MFHAS1: variants seen among roughly 807,000 people sequenced by gnomAD.
MFHAS1 encodes the protein multifunctional ROCO family signaling regulator 1, also known as malignant fibrous histiocytoma-amplified sequence 1.
MFHAS1 carries 50 observed loss-of-function variants against 70.4 expected under a neutral mutation model. That is an observed-to-expected ratio of 0.71 (90% CI 0.57 to 0.90). MFHAS1 has a LOEUF of 0.90. Ranked by LOEUF, MFHAS1 falls within the 40% of genes least tolerant of loss-of-function variation. The pLI is 0.00. For synonymous variants in MFHAS1, 952 were observed against 620.0 expected, an observed-to-expected ratio of 1.54 and a Z score of -7.96; for missense variants, 1,795 against 1,347.6, an observed-to-expected ratio of 1.33 and a Z score of -5.20.
At chr8:8,796,870 C>A (rs1477878751) in intron 2 of MFHAS1, among the ~76,000 whole-genome samples, 1 of 150,684 alleles carries the variant, frequency 6.6e-6, no homozygotes, top group Non-Finnish European at 1.5e-5. Flanking sequence ...GTGGTGGGCG[C>A]CTGTAGTCCC....
At chr8:8,797,074 T>A (rs1472345871) in intron 2 of MFHAS1, among the ~76,000 whole-genome samples, 1 of 151,478 alleles carries the variant, frequency 6.6e-6, no homozygotes, top group African/African-American at 2.4e-5. Context: ...ACTGTACACT[T>A]AGGTAAGTGA....
At chr8:8,889,084 T>A (rs1809885770) in intron 1 of MFHAS1, among the ~76,000 whole-genome samples, 2 of 149,788 alleles carry the variant, frequency 1.3e-5, no homozygotes, top group Admixed American at 6.6e-5. Flanking sequence ...TTCTTCCACT[T>A]GCTTATGATG....
At chr8:8,789,055 G>C (rs546932795) in intron 2 of MFHAS1, among the ~76,000 whole-genome samples, 20 of 152,224 alleles carry the variant, frequency 1.3e-4, no homozygotes, top group African/African-American at 4.8e-4. Flanking sequence ...TTGTCGGTTT[G>C]AAGGACAAAA....
At position 8,786,636 on chromosome 8, in the gene MFHAS1, A is replaced by C. The variant is rs1161839634; in HGVS notation, c.3126-581T>G. On this transcript the variant is annotated intron_variant, in intron 2 of 2. Coordinates refer to ENST00000276282, the MANE Select transcript of MFHAS1 (RefSeq NM_004225.3). ...GTTCCGATAAAATGGTTAGAGGAAA[A>C]AATATCAAGTGTTTTTCTCATTTTT... Among the ~76,000 whole-genome samples, 9 of 152,336 alleles carry C rather than the reference A, an allele frequency of 5.9e-5. 1 individual carries two copies. In the Middle Eastern group the frequency reaches 0.014, roughly 230 times the overall value.
In MFHAS1 at chr8:8,829,757, C is replaced by A. The variant is rs114115990; in HGVS notation, c.2999-32266G>T. Among the ~76,000 whole-genome samples, 819 of 152,296 alleles carry A rather than the reference C, an allele frequency of 5.4e-3. 9 individuals are homozygous for A. The highest frequency in any genetic ancestry group is 0.019 in the African/African-American group (799 of 41,588). Reference sequence around the variant, plus strand: ...GTATCCTCAGTGCCTGACACAATGGCAGGACCAATGGATGACAGCAAGTTA... The same window carrying A: ...GTATCCTCAGTGCCTGACACAATGGAAGGACCAATGGATGACAGCAAGTTA... On this transcript the variant is annotated intron_variant, in intron 1 of 2. Transcript: ENST00000276282.
At chr8:8,810,004 C>G (rs1806487876) in intron 1 of MFHAS1, among the ~76,000 whole-genome samples, 1 of 152,166 alleles carries the variant, frequency 6.6e-6, no homozygotes, top group Non-Finnish European at 1.5e-5. Flanking sequence ...AAAACTAGCG[C>G]CCAAGGACCT....
intron 2 of MFHAS1, among the ~76,000 whole-genome samples, chr8:8,793,886 G>A (rs1170846594): frequency 2.0e-5 from 3 of 152,140 alleles, no homozygotes; most frequent in South Asian, 4.2e-4. Context: ...TAACAGGTCT[G>A]ATTAAGAAAG....
chr8:8,828,703 C>T (rs570945781), intron 1 of MFHAS1, among the ~76,000 whole-genome samples: 1 of 152,180 alleles, frequency 6.6e-6, no homozygotes, highest in East Asian at 1.9e-4. Flanking sequence ...CAGTGACACT[C>T]TGTAATGCGG....
chr8:8,798,104 G>T (rs1240255745), intron 1 of MFHAS1, among the ~76,000 whole-genome samples: 2 of 152,150 alleles, frequency 1.3e-5, no homozygotes, highest in Admixed American at 1.3e-4. Flanking sequence ...TAACCTAATG[G>T]ATCACCACAA....
At chr8:8,865,769 C>T (rs1406085529) in intron 1 of MFHAS1, among the ~76,000 whole-genome samples, 3 of 152,190 alleles carry the variant, frequency 2.0e-5, no homozygotes, top group Admixed American at 2.0e-4. Context: ...ATTTTTGGGT[C>T]CCAAATTTAA....
intron 2 of MFHAS1, among the ~76,000 whole-genome samples, chr8:8,792,427 T>G (rs1805750829): frequency 1.3e-5 from 2 of 152,044 alleles, no homozygotes; most frequent in South Asian, 4.1e-4. Flanking sequence ...ATGGTGAAAC[T>G]CCTTCTCTAC....
intron 1 of MFHAS1, among the ~76,000 whole-genome samples, chr8:8,859,646 AT>A (rs1234443588): frequency 6.6e-6 from 1 of 152,196 alleles, no homozygotes; most frequent in African/African-American, 2.4e-5. Flanking sequence ...AACAGTAAAT[AT>A]ATTTCCTCTT....
At chr8:8,806,338 C>T (rs1225226943) in intron 1 of MFHAS1, among the ~76,000 whole-genome samples, 1 of 152,144 alleles carries the variant, frequency 6.6e-6, no homozygotes, top group Non-Finnish European at 1.5e-5. Flanking sequence ...CTCTACCAGA[C>T]ACAAAATAAA....
Position 8,821,006 on chromosome 8 carries a change from T to G in MFHAS1, c.2999-23515A>C, listed in dbSNP as rs936434473. Among the ~76,000 whole-genome samples the G allele has an allele frequency of 3.3e-5, 5 of 152,292 alleles. No individual in the cohort carries two copies. In the South Asian group the frequency reaches 1.0e-3, roughly 32 times the overall value. On this transcript the variant is annotated intron_variant, in intron 1 of 2. Coordinates refer to ENST00000276282, the MANE Select transcript of MFHAS1 (RefSeq NM_004225.3). ...ACTGTCCTTCCTACCCCTCTTCCTT[T>G]AAAAGCCAACAGAGATGACAGCCTA...
chr8:8,850,811 CAAAAAAAAAAAAA>C (rs149181304), intron 1 of MFHAS1, among the ~76,000 whole-genome samples: 1 of 105,514 alleles, frequency 9.5e-6, no homozygotes, highest in Non-Finnish European at 1.9e-5. Flanking sequence ...AACTCCGTCT[CAAAAAAAAAAAAA>C]AAAAAAAAAA....
chr8:8,862,507 A>G (rs950532790), intron 1 of MFHAS1, among the ~76,000 whole-genome samples: 1 of 152,198 alleles, frequency 6.6e-6, no homozygotes, highest in Non-Finnish European at 1.5e-5. Context: ...TAAGTTAAAA[A>G]AATTTCTTAA....
chr8:8,856,042 C>A (rs976190640), intron 1 of MFHAS1, among the ~76,000 whole-genome samples: 2 of 152,070 alleles, frequency 1.3e-5, no homozygotes, highest in African/African-American at 4.8e-5. Context: ...TGAAAGCGAG[C>A]GGGGACTGAA....
chr8:8,809,380 C>A (rs1229954169), intron 1 of MFHAS1, among the ~76,000 whole-genome samples: 1 of 152,134 alleles, frequency 6.6e-6, no homozygotes, highest in African/African-American at 2.4e-5. Flanking sequence ...TGCACACACA[C>A]CCTGCCCTTT....
In MFHAS1 at chr8:8,833,064, T is replaced by C. The variant is rs79563745; in HGVS notation, c.2999-35573A>G. Among the ~76,000 whole-genome samples, 571 of 152,254 alleles carry C rather than the reference T, an allele frequency of 3.8e-3. 5 individuals are homozygous for C. Among genetic ancestry groups the C allele is most frequent in the African/African-American group, 0.013 (532 of 41,540 alleles). On this transcript the variant is annotated intron_variant, in intron 1 of 2. Coordinates refer to ENST00000276282, the MANE Select transcript of MFHAS1 (RefSeq NM_004225.3). The stretch of plus-strand genomic sequence containing the variant: ...GCAACGGGGGAGCAGGTGTCTTACA[T>C]GGCAGGAGCAGGAGGAAGAAAGAGA...
Sources: gnomAD v4.1 joint callset for allele counts (sites outside exome capture counted in the v4.1 genomes callset) on GRCh38, gnomAD v4.1.1 for gene constraint, MANE v1.5 for transcripts, NCBI Gene and HGNC (gene_info 2026-07-23, HGNC 2026-07-21) for gene names.